EOLA2: variants seen among roughly 807,000 people sequenced by gnomAD.
EOLA2 encodes the protein protein EOLA2.
EOLA2 carries 3 observed loss-of-function variants against 4.1 expected under a neutral mutation model. The ratio of observed to expected loss-of-function variants is 0.73; its 90% CI spans 0.33 to 1.89. The LOEUF (loss-of-function observed/expected upper bound fraction) is 1.89, where lower values mean the gene tolerates loss of function less well. EOLA2 is among the 40% of genes most tolerant of loss of function. EOLA2 has a pLI of 0.08. For synonymous variants in EOLA2, 52 were observed against 51.7 expected, an observed-to-expected ratio of 1.01 and a Z score of -0.03; for missense variants, 109 against 126.4, an observed-to-expected ratio of 0.86 and a Z score of 0.66.
intron 2 of EOLA2, among the ~76,000 whole-genome samples, chrX:149,936,890 C>T (rs1557376239): frequency 1.9e-5 from 2 of 105,665 alleles, no homozygotes; most frequent in African/African-American, 7.0e-5. Context: ...CATTGTTGGT[C>T]GTCTCATAAT....
chrX:149,934,733 A>G (rs2090950942), intron 2 of EOLA2, among the ~76,000 whole-genome samples: 1 of 112,427 alleles, frequency 8.9e-6, no homozygotes, highest in African/African-American at 3.2e-5. Flanking sequence ...ATGGCTGAGG[A>G]GAATGAGGCA....
intron 2 of EOLA2, among the ~76,000 whole-genome samples, chrX:149,937,062 G>T (rs1347342879): frequency 9.2e-6 from 1 of 109,207 alleles, no homozygotes; most frequent in African/African-American, 3.3e-5. Flanking sequence ...GCCAGCAAAT[G>T]ACTTTCCACA....
downstream of EOLA2, chrX:149,930,792 C>T (rs2090864543): frequency 5.9e-6 from 3 of 505,000 alleles, no homozygotes; most frequent in East Asian, 1.4e-4. Flanking sequence ...CAGGGAGCCC[C>T]CAGTGTTCAG....
downstream of EOLA2, chrX:149,930,044 T>C (rs1557374036): frequency 8.6e-7 from 1 of 1,159,171 alleles, no homozygotes; most frequent in Admixed American, 2.6e-5. Context: ...AACAGACAAC[T>C]TGACGAGTTT....
chrX:149,932,113 C>T (rs1557374381), downstream of EOLA2: 5 of 773,845 alleles, frequency 6.5e-6, no homozygotes, highest in African/African-American at 1.1e-4. Context: ...TGTAATGTCG[C>T]CTGGATGCTA....
Position 149,932,693 on chromosome X carries a change from G to C in EOLA2, c.328C>G (p.Gln110Glu), listed in dbSNP as rs1557374702. ...TGCTTCAGGTTGGTCAGTGCAGCTT[G>C]ATTTTCTAGTTCCACAACCTCATCG... is the stretch of plus-strand genomic sequence containing the variant. ...TPDEVVELEN[Q>E]AALTNLKQKY... The change falls in exon 5 of 5, where the codon CAA (glutamine) becomes GAA (glutamate). Residue 110 changes from glutamine to glutamate, a missense_variant. Physicochemically the swap from Gln to Glu is conservative, Grantham distance 29 (BLOSUM62 2). Coordinates refer to ENST00000370406, the MANE Select transcript of EOLA2 (RefSeq NM_001013845.2). The C allele has an allele frequency of 1.7e-6, 2 of 1,208,393 alleles. No homozygotes were observed. Among genetic ancestry groups the C allele is most frequent in the Non-Finnish European group, 2.2e-6 (2 of 894,349 alleles).
At chrX:149,935,028 T>C (rs2090957775) in intron 2 of EOLA2, among the ~76,000 whole-genome samples, 1 of 112,099 alleles carries the variant, frequency 8.9e-6, no homozygotes, top group Non-Finnish European at 1.9e-5. Flanking sequence ...CTCAGGCCCG[T>C]GGCCCCGCCC....
Position 149,933,704 on chromosome X carries a change from C to T in EOLA2, c.171G>A (p.Leu57=). The T allele has an allele frequency of 8.3e-7, 1 of 1,207,972 alleles. No homozygotes were observed. Among genetic ancestry groups the T allele is most frequent in the Non-Finnish European group, 1.1e-6 (1 of 894,863 alleles). Residue 57 remains leucine, a synonymous_variant, in exon 4 of 5, where the codon CTG becomes CTA. Coordinates refer to ENST00000370406, the MANE Select transcript of EOLA2 (RefSeq NM_001013845.2). ...CAGGAGTCATCCCGAGTCTCTCCACCAGCAGCTCCCGACAGGCATCGCCTT... is the reference window on the plus strand; with the variant it reads ...CAGGAGTCATCCCGAGTCTCTCCACTAGCAGCTCCCGACAGGCATCGCCTT... The part of the protein sequence containing the change: ...DWEGDACREL[L]VERLGMTPAQ...
chrX:149,932,615 T>C lies in EOLA2; in HGVS notation c.406A>G (p.Arg136Gly), dbSNP rs782006369. The change falls in exon 5 of 5, where the codon AGG becomes GGG. Residue 136 changes from arginine (R) to glycine (G), a missense_variant. By Grantham distance (125) the Arg-to-Gly change is moderately radical. Transcript: ENST00000370406. ...NPRWLLEPIP[R>G]KGGKDVFQVD... ...TGGAATACATCCTTGCCTCCTTTCC[T>C]AGGTATGGGCTCCAGTAACCACCTG... 81 of 1,203,750 alleles carry C rather than the reference T, an allele frequency of 6.7e-5. No homozygotes were observed. The highest frequency in any genetic ancestry group is 9.0e-5 in the Non-Finnish European group (80 of 893,157).
chrX:149,937,165 G>A (rs1557376332), intron 2 of EOLA2, among the ~76,000 whole-genome samples: 3 of 111,179 alleles, frequency 2.7e-5, no homozygotes, highest in Non-Finnish European at 3.8e-5. Flanking sequence ...TCTGATGAGT[G>A]ACCAAAGATA....
downstream of EOLA2, chrX:149,931,198 T>C (rs1423646227): frequency 4.4e-6 from 4 of 906,468 alleles, no homozygotes; most frequent in African/African-American, 2.1e-5. Flanking sequence ...CCCATAAAAG[T>C]TGCCATTTTC....
Position 149,937,474 on chromosome X carries a change from T to G in EOLA2, c.-204A>C. The G allele has an allele frequency of 1.5e-6, 1 of 678,929 alleles. No individual in the cohort carries two copies. Among genetic ancestry groups the G allele is most frequent in the Non-Finnish European group, 1.8e-6 (1 of 569,093 alleles). The allele number at this position is 678,929 out of a possible 1,213,427, so 56.0% of individuals were successfully genotyped here. On this transcript the variant is annotated 5_prime_UTR_variant, in exon 2 of 5. Transcript: ENST00000370406. ...GGAGGAAACACTCTTCCACTTGGTT[T>G]CTTTACCTGCACAACAAGGAAGATA...
chrX:149,936,189 C>T (rs1477832627), intron 2 of EOLA2, among the ~76,000 whole-genome samples: 3 of 96,623 alleles, frequency 3.1e-5, no homozygotes, highest in East Asian at 3.4e-4. Flanking sequence ...TCTGGTTTCC[C>T]ACCCCAGCCA....
At chrX:149,930,384 T>G (rs1185390321), downstream of EOLA2, among the ~76,000 whole-genome samples, 13 of 112,145 alleles carry the variant, frequency 1.2e-4, no homozygotes, top group Non-Finnish European at 2.4e-4. Flanking sequence ...GGTTGCAGTT[T>G]AATATCAAAA....
At chrX:149,935,051 C>T (rs1485997236) in intron 2 of EOLA2, among the ~76,000 whole-genome samples, 1 of 111,787 alleles carries the variant, frequency 8.9e-6, no homozygotes, top group Non-Finnish European at 1.9e-5. Flanking sequence ...TGGCCCTGAA[C>T]TCCACCCTTG....
Position 149,938,352 on chromosome X carries a change from G to A in EOLA2, c.-370C>T, listed in dbSNP as rs1383697220. 1 of 112,719 alleles carries A rather than the reference G, an allele frequency of 8.9e-6. No homozygotes were observed. The highest frequency in any genetic ancestry group is 1.9e-5 in the Non-Finnish European group (1 of 53,307). The allele number at this position is 112,719 out of a possible 1,213,427, so 9.3% of individuals were successfully genotyped here. A position where few individuals can be genotyped will look rare whatever the true frequency, so the allele number is the denominator to read the frequency against. On this transcript the variant is annotated 5_prime_UTR_variant, in exon 1 of 5. Transcript: ENST00000370406. ...AGACGTGGGCCGCGGTGAGAAGAGAGAGCACCCGGCTCGTGTCAGGGCTGT... is the reference window on the plus strand; with the variant it reads ...AGACGTGGGCCGCGGTGAGAAGAGAAAGCACCCGGCTCGTGTCAGGGCTGT...
chrX:149,933,312 T>G (rs1413674673), intron 4 of EOLA2, among the ~76,000 whole-genome samples: 1 of 104,271 alleles, frequency 9.6e-6, no homozygotes, highest in Non-Finnish European at 2.0e-5. Context: ...CACTCACACA[T>G]GTATGTGCAA....
At chrX:149,937,017 G>A (rs12848498) in intron 2 of EOLA2, among the ~76,000 whole-genome samples, 10,135 of 109,836 alleles carry the variant, frequency 0.092, 483 homozygotes, top group Non-Finnish European at 0.14. Context: ...AAATGCCTCG[G>A]CCGCCTGGCA....
rs782534021 is a variant in EOLA2 at position 149,933,835 on chromosome X, C to T, written c.40G>A (p.Gly14Ser). ...GTCTTGATTCCATTTAAGACAAAGCCAGCATAAGGCTGCCGGAAGGAGAGG... is the reference window on the plus strand; with the variant it reads ...GTCTTGATTCCATTTAAGACAAAGCTAGCATAAGGCTGCCGGAAGGAGAGG... Reference protein sequence around the residue: ...GCLSFRQPYAGFVLNGIKTVE... With the variant: ...GCLSFRQPYASFVLNGIKTVE... The change falls in exon 4 of 5, where the codon GGC (glycine) becomes AGC (serine). Residue 14 changes from glycine (G) to serine (S), a missense_variant. Coordinates refer to ENST00000370406, the MANE Select transcript of EOLA2 (RefSeq NM_001013845.2). The T allele has an allele frequency of 1.7e-6, 2 of 1,204,861 alleles. No homozygotes were observed. Among genetic ancestry groups the T allele is most frequent in the Non-Finnish European group, 2.2e-6 (2 of 892,423 alleles).
Sources: allele counts gnomAD v4.1 joint callset (sites outside exome capture counted in the v4.1 genomes callset), GRCh38; gene constraint gnomAD v4.1.1; transcripts MANE v1.5; gene names NCBI Gene and HGNC (gene_info 2026-07-23, HGNC 2026-07-21).